MAP3K11: variants seen among roughly 807,000 people sequenced by gnomAD.
MAP3K11 encodes SH3 domain-containing proline-rich kinase.
A neutral mutation model predicts 84.9 loss-of-function variants in MAP3K11; 46 were observed. The observed-to-expected ratio is 0.54, with a 90% CI of 0.43 to 0.69. MAP3K11 has a LOEUF of 0.69. Ranked by LOEUF, MAP3K11 falls within the 30% of genes least tolerant of loss-of-function variation. The pLI is 0.00. For missense variants in MAP3K11, 1,053 were observed against 1,198.3 expected (o/e 0.88, Z 1.79); for synonymous variants, 527 against 514.7 (o/e 1.02, Z -0.32).
rs1239634843 is a variant in MAP3K11, at chr11:65,613,054, C to T, written c.703G>A (p.Val235Met). Residue 235 changes from valine (V) to methionine (M), a missense_variant, in exon 1 of 10, where the codon GTG becomes ATG. This residue lies in a region of MAP3K11 where 310 missense variants were observed against 464.5 expected (regional missense o/e 0.67). Coordinates refer to ENST00000309100, the MANE Select transcript of MAP3K11 (RefSeq NM_002419.4). ...GMHYLHCEAL[V>M]PVIHRDLKSN... ...TTGAGATCACGGTGGATGACGGGCACCAGGGCCTCGCAGTGCAGGTAGTGC... is the reference window on the plus strand; with the variant it reads ...TTGAGATCACGGTGGATGACGGGCATCAGGGCCTCGCAGTGCAGGTAGTGC... 2.0e-6 allele frequency: 3 copies of T among 1,521,834 alleles called. No homozygotes were observed. The East Asian group carries it at 6.8e-5, about 35-fold the overall frequency. 94.3% of individuals were successfully genotyped at this position (1,521,834 alleles called of 1,614,324 possible).
chr11:65,606,799 T>C lies in MAP3K11; in HGVS notation c.1495A>G (p.Lys499Glu). ...GAGGCCTGCACGGTGATGCGGTGCT[T>C]GAAGTCTGGGATTTGGGTTGGGGGG... is the stretch of plus-strand genomic sequence containing the variant. ...GERISMPLDF[K>E]HRITVQASPG... The change falls in exon 6 of 10, where the codon AAG (lysine) becomes GAG (glutamate). Residue 499 changes from lysine (K) to glutamate (E), a missense_variant. Transcript: ENST00000309100. 1 of 1,600,378 alleles carries C rather than the reference T, an allele frequency of 6.2e-7. No homozygotes were observed. Among genetic ancestry groups the C allele is most frequent in the African/African-American group, 1.3e-5 (1 of 74,266 alleles).
At chr11:65,605,076 C>A (rs1318083365) in intron 8 of MAP3K11, among the ~76,000 whole-genome samples, 1 of 152,164 alleles carries the variant, frequency 6.6e-6, no homozygotes, top group Non-Finnish European at 1.5e-5. Context: ...GGGTTCAAAT[C>A]CTCAGCTGGG....
Position 65,606,044 on chromosome 11 carries a change from C to A in MAP3K11, c.1641G>T (p.Gln547His). The A allele has an allele frequency of 6.3e-7, 1 of 1,590,816 alleles. No individual in the cohort carries two copies. Among genetic ancestry groups the A allele is most frequent in the Non-Finnish European group, 8.5e-7 (1 of 1,169,688 alleles). Residue 547 changes from glutamine to histidine, a missense_variant, in exon 7 of 10, where the codon CAG (glutamine) becomes CAT (histidine). Gln to His is a conservative substitution (Grantham distance 24). Around this residue, in one of 3 missense-constraint regions of MAP3K11, gnomAD observed 583 missense variants for 566.6 expected, o/e 1.03. Transcript: ENST00000309100. ...PAEPGQAWGR[Q>H]SPRRLEDSSN... ...TTGAGTCCTCCAGACGTCGGGGGGA[C>A]TGGCGGCCCCATGCCTGGCCTGGCT...
At chr11:65,600,906 A>G (rs2135363887) in intron 8 of MAP3K11, among the ~76,000 whole-genome samples, 1 of 152,356 alleles carries the variant, frequency 6.6e-6, no homozygotes, top group Non-Finnish European at 1.5e-5. Context: ...GACTTAGCTC[A>G]CAGTCCCTTC....
Position 65,605,752 on chromosome 11 carries a change from GCCA to G in MAP3K11, c.1831+6_1831+8del. The G allele has an allele frequency of 6.3e-7, 1 of 1,590,424 alleles. No individual in the cohort carries two copies. On this transcript the variant is annotated splice_donor_region_variant and intron_variant, in intron 8 of 9. Coordinates refer to ENST00000309100, the MANE Select transcript of MAP3K11 (RefSeq NM_002419.4). Reference sequence around the variant, plus strand: ...AGCCAGATCCTGCCGGGGGAGGAAGGCCACTCACCATTGAGTGCTGGGGGTGTG... The same window carrying G: ...AGCCAGATCCTGCCGGGGGAGGAAGGCTCACCATTGAGTGCTGGGGGTGTG...
rs759384386 is a variant in MAP3K11, at chr11:65,598,501, G to A, written c.2334C>T (p.Pro778=). The A allele has an allele frequency of 3.7e-6, 6 of 1,613,790 alleles. No homozygotes were observed. In the Middle Eastern group the frequency reaches 5.0e-4, roughly 133 times the overall value. The stretch of plus-strand genomic sequence containing the variant: ...GTGGCCCAGCTGACACAAAGCTCCA[G>A]GGATCAATGCGGCTGCGAAGGGGCG... The part of the protein sequence containing the change: ...RPSPLRSRID[P]WSFVSAGPRP... Residue 778 remains proline (P), a synonymous_variant, in exon 10 of 10, where the codon CCC becomes CCT. Transcript: ENST00000309100.
intron 7 of MAP3K11, 31 bp from the exon 8 acceptor site, chr11:65,605,883 T>C (rs777987684): frequency 6.2e-7 from 1 of 1,612,534 alleles, no homozygotes; most frequent in East Asian, 2.2e-5. Context: ...AGGGGTGCTT[T>C]AGGAATTTCA....
intron 8 of MAP3K11, 83 bp from the exon 9 acceptor site, chr11:65,599,851 C>A (rs910126139): frequency 6.8e-7 from 1 of 1,470,816 alleles, no homozygotes; most frequent in African/African-American, 1.4e-5. Flanking sequence ...GGTCTTGGAA[C>A]AAGGACTGAG....
At chr11:65,606,558 T>C (rs146966484) in intron 6 of MAP3K11, 133 bp downstream of exon 6, 7 of 638,980 alleles carry the variant, frequency 1.1e-5, no homozygotes, top group Non-Finnish European at 1.9e-5. Context: ...GGTAACAGGC[T>C]AGACCTAAGG....
intron 6 of MAP3K11, 150 bp from the exon 7 acceptor site, chr11:65,606,231 G>T: frequency 1.2e-6 from 1 of 868,978 alleles, no homozygotes; most frequent in South Asian, 2.2e-5. Flanking sequence ...ATGGGTTTGG[G>T]TCTTGGGGCC....
chr11:65,603,432 G>A (rs1455353214), intron 8 of MAP3K11, among the ~76,000 whole-genome samples: 1 of 152,258 alleles, frequency 6.6e-6, no homozygotes, highest in Non-Finnish European at 1.5e-5. Flanking sequence ...GCTTCACAGG[G>A]CAGTTGCTAT....
In MAP3K11 at chr11:65,598,196, CTG is replaced by C; in HGVS notation, c.*93_*94del. On this transcript the variant is annotated 3_prime_UTR_variant, in exon 10 of 10. Transcript: ENST00000309100. Reference sequence around the variant, plus strand: ...AAGGGGGGTGGGGTCCCTGGGGAAACTGAGGCAGCTGCAGAGGCTGACCCAGC... The same window carrying C: ...AAGGGGGGTGGGGTCCCTGGGGAAACAGGCAGCTGCAGAGGCTGACCCAGC... The C allele has an allele frequency of 1.8e-6, 2 of 1,104,334 alleles. No individual in the cohort carries two copies. Among genetic ancestry groups the C allele is most frequent in the Non-Finnish European group, 2.4e-6 (2 of 837,666 alleles). The allele number at this position is 1,104,334 out of a possible 1,614,324, so 68.4% of individuals were successfully genotyped here.
chr11:65,606,637 C>CA, intron 6 of MAP3K11, 54 bp downstream of exon 6: 1 of 1,330,672 alleles, frequency 7.5e-7, no homozygotes, highest in African/African-American at 1.5e-5. Context: ...TAAGGTCTGA[C>CA]AGAGAATAAG....
intron 1 of MAP3K11, 179 bp downstream of exon 1, chr11:65,612,839 C>A: frequency 1.8e-6 from 1 of 564,630 alleles, no homozygotes; most frequent in Non-Finnish European, 2.8e-6. Flanking sequence ...GAAGACTCTG[C>A]TGGGTGCCTG....
chr11:65,606,380 CTTTTCTCAT>C (rs1854507954), intron 6 of MAP3K11: 1 of 423,814 alleles, frequency 2.4e-6, no homozygotes, highest in Non-Finnish European at 4.1e-6. Flanking sequence ...ACTTTTTTCA[CTTTTCTCAT>C]CCATAAAACT....
chr11:65,607,686 C>T lies in MAP3K11; in HGVS notation c.1200G>A (p.Lys400=), dbSNP rs781768921. 4 of 1,613,350 alleles carry T rather than the reference C, an allele frequency of 2.5e-6. No homozygotes were observed. The highest frequency in any genetic ancestry group is 3.4e-6 in the Non-Finnish European group (4 of 1,179,508). ...DSFHSMQEGW[K]REIQGLFDEL... is the part of the protein sequence containing the mutation. ...CGTCGAAGAGACCCTGGATCTCGCGCTTCCAGCCTTCCTGCATGGAATGGA... is the reference window on the plus strand; with the variant it reads ...CGTCGAAGAGACCCTGGATCTCGCGTTTCCAGCCTTCCTGCATGGAATGGA... Residue 400 remains lysine, a synonymous_variant, in exon 4 of 10, where the codon AAG becomes AAA. Coordinates refer to ENST00000309100, the MANE Select transcript of MAP3K11 (RefSeq NM_002419.4).
chr11:65,608,164 G>T (rs1031840519), intron 2 of MAP3K11, 94 bp from the exon 3 acceptor site: 8 of 1,593,754 alleles, frequency 5.0e-6, no homozygotes, highest in Non-Finnish European at 6.9e-6. Flanking sequence ...GAGCCAAGTG[G>T]TTTGGGTCCC....
chr11:65,602,760 G>A lies in MAP3K11; in HGVS notation c.1832-2992C>T, dbSNP rs192530900. Among the ~76,000 whole-genome samples, 334 of 151,690 alleles carry A rather than the reference G, an allele frequency of 2.2e-3. 3 individuals are homozygous for A. Among genetic ancestry groups the A allele is most frequent in the Middle Eastern group, 0.017 (5 of 292 alleles). On this transcript the variant is annotated intron_variant, in intron 8 of 9. Transcript: ENST00000309100. ...GTGGAGGCTGAAGTGAGCTGAGGTC[G>A]CACCACTGCACTCCAGCCTGGGTGA...
chr11:65,608,552 G>C, intron 1 of MAP3K11, 104 bp from the exon 2 acceptor site: 1 of 949,064 alleles, frequency 1.1e-6, no homozygotes. Context: ...CTGGGTCCTG[G>C]GGGCACAGAG....
Sources: allele counts gnomAD v4.1 joint callset (sites outside exome capture counted in the v4.1 genomes callset), GRCh38; gene constraint gnomAD v4.1.1; regional missense constraint gnomAD v4.1.1; transcripts MANE v1.5; gene names NCBI Gene and HGNC (gene_info 2026-07-23, HGNC 2026-07-21).